The following ERBB4 variants were observed in gnomAD, a reference collection of about 807,000 sequenced individuals.
The protein encoded by ERBB4 is erb-b2 receptor tyrosine kinase 4, also known as receptor tyrosine-protein kinase erbB-4.
ERBB4 carries 42 observed loss-of-function variants against 158.0 expected under a neutral mutation model. The observed-to-expected ratio is 0.27, with a 90% CI of 0.21 to 0.34. The LOEUF is 0.34. Ranked by LOEUF, ERBB4 falls within the 10% of genes least tolerant of loss-of-function variation. ERBB4 has a pLI of 1.00. For missense variants in ERBB4, 1,333 were observed against 1,624.1 expected (o/e 0.82, Z 3.08); for synonymous variants, 583 against 558.7 (o/e 1.04, Z -0.61).
chr2:212,114,199 A>G (rs547818406), intron 2 of ERBB4, among the ~76,000 whole-genome samples: 20 of 152,316 alleles, frequency 1.3e-4, no homozygotes, highest in African/African-American at 4.8e-4. Flanking sequence ...GGGTGCTATG[A>G]ATGTATGTAA....
intron 3 of ERBB4, among the ~76,000 whole-genome samples, chr2:211,895,292 C>T (rs949574965): frequency 4.6e-5 from 7 of 152,070 alleles, no homozygotes; most frequent in Admixed American, 2.0e-4. Flanking sequence ...GGTCTCTCTC[C>T]GTCACCCAGG....
intron 1 of ERBB4, among the ~76,000 whole-genome samples, chr2:212,421,087 T>C (rs560592881): frequency 6.6e-6 from 1 of 152,078 alleles, no homozygotes; most frequent in Non-Finnish European, 1.5e-5. Flanking sequence ...GAAATGAAAA[T>C]TTTTTAAAGC....
At chr2:212,493,693 G>A (rs1290355698) in intron 1 of ERBB4, among the ~76,000 whole-genome samples, 1 of 151,594 alleles carries the variant, frequency 6.6e-6, no homozygotes, top group Non-Finnish European at 1.5e-5. Flanking sequence ...CTTCTGTCTT[G>A]ACAGTAGCAA....
chr2:211,550,885 C>G (rs2067075357), intron 20 of ERBB4, among the ~76,000 whole-genome samples: 1 of 151,168 alleles, frequency 6.6e-6, no homozygotes, highest in African/African-American at 2.4e-5. Context: ...CTAATTATGA[C>G]ATGTCCTAAG....
chr2:211,913,778 C>T (rs948185603), intron 3 of ERBB4, among the ~76,000 whole-genome samples: 1 of 150,434 alleles, frequency 6.6e-6, no homozygotes, highest in Non-Finnish European at 1.5e-5. Flanking sequence ...GAACTGAATG[C>T]TATGATTTCT....
intron 1 of ERBB4, among the ~76,000 whole-genome samples, chr2:212,500,855 A>G (rs1690848886): frequency 6.6e-6 from 1 of 152,196 alleles, no homozygotes; most frequent in Non-Finnish European, 1.5e-5. Context: ...TAATCTTAGA[A>G]AATGTCCAGT....
At chr2:212,220,716 T>C (rs2105952361) in intron 1 of ERBB4, among the ~76,000 whole-genome samples, 1 of 151,556 alleles carries the variant, frequency 6.6e-6, no homozygotes, top group Non-Finnish European at 1.5e-5. Context: ...ATTAAGGCTT[T>C]CTTATCCCTC....
chr2:212,305,518 T>C (rs2086779824), intron 1 of ERBB4, among the ~76,000 whole-genome samples: 1 of 151,258 alleles, frequency 6.6e-6, no homozygotes, highest in South Asian at 2.1e-4. Flanking sequence ...ACATTCTTAA[T>C]ATTAGAGTCA....
intron 1 of ERBB4, among the ~76,000 whole-genome samples, chr2:212,280,177 G>A (rs762048878): frequency 1.3e-5 from 2 of 151,586 alleles, no homozygotes; most frequent in Non-Finnish European, 3.0e-5. Context: ...CTCATTACCT[G>A]TTTGAACAAC....
intron 1 of ERBB4, among the ~76,000 whole-genome samples, chr2:212,339,809 T>C (rs2088616414): frequency 6.6e-6 from 1 of 152,112 alleles, no homozygotes; most frequent in African/African-American, 2.4e-5. Context: ...AATTTTGAGA[T>C]AGGATACACT....
intron 19 of ERBB4, among the ~76,000 whole-genome samples, chr2:211,582,738 A>G (rs1313937134): frequency 2.0e-5 from 3 of 152,178 alleles, no homozygotes; most frequent in African/African-American, 7.2e-5. Flanking sequence ...TAGCTATTTA[A>G]CTGAAATGTC....
chr2:211,493,133 C>T (rs1458936318), intron 20 of ERBB4, among the ~76,000 whole-genome samples: 1 of 152,082 alleles, frequency 6.6e-6, no homozygotes, highest in African/African-American at 2.4e-5. Flanking sequence ...GATTATCAAC[C>T]AGCTTTCCAT....
chr2:211,835,161 T>A (rs2077312858), intron 3 of ERBB4, among the ~76,000 whole-genome samples: 1 of 152,092 alleles, frequency 6.6e-6, no homozygotes, highest in African/African-American at 2.4e-5. Context: ...GATTTAATCA[T>A]CACCCCAGCT....
intron 1 of ERBB4, among the ~76,000 whole-genome samples, chr2:212,414,832 G>C (rs545582962): frequency 6.6e-6 from 1 of 152,262 alleles, no homozygotes; most frequent in East Asian, 1.9e-4. Context: ...TGACCAGACT[G>C]GTTTGTCTAA....
rs1001624062 is a variant in ERBB4 at position 212,380,451 on chromosome 2, T to C, written c.82+157998A>G. Among the ~76,000 whole-genome samples, 3 of 127,164 alleles carry C rather than the reference T, an allele frequency of 2.4e-5. No homozygotes were observed. In the South Asian group the frequency reaches 8.3e-4, roughly 35 times the overall value. 83.4% of individuals were successfully genotyped at this position (127,164 alleles called of 152,430 possible). On this transcript the variant is annotated intron_variant, in intron 1 of 27. Transcript: ENST00000342788. ...TACCAATACCTCAGATACTGAGGAATGACTCTGTGTGTGTGTGTGTGTGTG... is the reference window on the plus strand; with the variant it reads ...TACCAATACCTCAGATACTGAGGAACGACTCTGTGTGTGTGTGTGTGTGTG...
At chr2:211,398,817 T>TAAGA (rs200142832) in intron 25 of ERBB4, among the ~76,000 whole-genome samples, 114 of 152,170 alleles carry the variant, frequency 7.5e-4, no homozygotes, top group East Asian at 2.7e-3. Context: ...GGCGACAGAG[T>TAAGA]AAGACTCTGG....
intron 20 of ERBB4, among the ~76,000 whole-genome samples, chr2:211,519,975 A>G (rs2066143968): frequency 6.6e-6 from 1 of 152,196 alleles, no homozygotes; most frequent in African/African-American, 2.4e-5. Flanking sequence ...GCCCTTATCT[A>G]TCAGTGATAC....
intron 1 of ERBB4, among the ~76,000 whole-genome samples, chr2:212,202,675 C>T (rs2082622264): frequency 6.6e-6 from 1 of 152,140 alleles, no homozygotes; most frequent in African/African-American, 2.4e-5. Context: ...AGTTTATCTT[C>T]ATGATACAAT....
At chr2:212,435,557 C>G (rs1018906351) in intron 1 of ERBB4, among the ~76,000 whole-genome samples, 1 of 151,826 alleles carries the variant, frequency 6.6e-6, no homozygotes, top group African/African-American at 2.4e-5. Context: ...ATTTTTCTAT[C>G]AGAGGAACAT....
Sources: allele counts gnomAD v4.1 joint callset (sites outside exome capture counted in the v4.1 genomes callset), GRCh38; gene constraint gnomAD v4.1.1; transcripts MANE v1.5; gene names NCBI Gene and HGNC (gene_info 2026-07-23, HGNC 2026-07-21).